The following MON1A variants were observed in gnomAD, a reference collection of about 807,000 sequenced individuals.
MON1A encodes the protein MON1 vesicular trafficking associated A, also known as vacuolar fusion protein MON1 homolog A.
MON1A carries 29 observed loss-of-function variants against 44.6 expected under a neutral mutation model. The ratio of observed to expected loss-of-function variants is 0.65; its 90% CI spans 0.48 to 0.89. The LOEUF is 0.89. MON1A is among the 40% of genes least tolerant of loss of function. The probability of loss-of-function intolerance (pLI) is 0.00; values close to 1 mark genes in which losing one functional copy is unlikely to be tolerated. For synonymous variants in MON1A, 275 were observed against 316.4 expected (o/e 0.87, Z 1.39); for missense variants, 615 against 759.6 (o/e 0.81, Z 2.24).
chr3:49,908,876 C>A lies in MON1A; in HGVS notation c.*138G>T. ...GTGACAGAGCTTGACAAGTGTCTTC[C>A]CCAAAGCACTTTAATGCATTCACCA... On this transcript the variant is annotated 3_prime_UTR_variant, in exon 6 of 6. Coordinates refer to ENST00000296473, the MANE Select transcript of MON1A (RefSeq NM_032355.4). The A allele has an allele frequency of 1.0e-6, 1 of 987,118 alleles. No individual in the cohort carries two copies. Among genetic ancestry groups the A allele is most frequent in the Non-Finnish European group, 1.5e-6 (1 of 680,790 alleles). The allele number at this position is 987,118 out of a possible 1,614,324, so 61.1% of individuals were successfully genotyped here.
At chr3:49,919,635 A>T (rs1278151744) in intron 1 of MON1A, among the ~76,000 whole-genome samples, 1 of 151,970 alleles carries the variant, frequency 6.6e-6, no homozygotes, top group Non-Finnish European at 1.5e-5. Flanking sequence ...GCCCACCACC[A>T]CACCTGGCTA....
intron 1 of MON1A, among the ~76,000 whole-genome samples, chr3:49,922,953 C>T (rs1238244806): frequency 1.3e-5 from 2 of 151,882 alleles, no homozygotes; most frequent in Non-Finnish European, 2.9e-5. Context: ...TGGTGATCCG[C>T]CTGCCTTGGC....
Position 49,913,246 on chromosome 3 carries a change from G to T in MON1A, c.101C>A (p.Pro34Gln), listed in dbSNP as rs1367022683. 1 of 1,614,188 alleles carries T rather than the reference G, an allele frequency of 6.2e-7. No homozygotes were observed. Among genetic ancestry groups the T allele is most frequent in the Admixed American group, 1.7e-5 (1 of 60,014 alleles). Residue 34 changes from proline to glutamine, a missense_variant, in exon 2 of 6, where the codon CCA becomes CAA. Coordinates refer to ENST00000296473, the MANE Select transcript of MON1A (RefSeq NM_032355.4). ...QSMERAESPT[P>Q]GMAQGMEPGA... ...TGGCTCCATTCCCTGGGCCATTCCTGGTGTGGGGCTCTCAGCTCTCTCCAT... is the reference window on the plus strand; with the variant it reads ...TGGCTCCATTCCCTGGGCCATTCCTTGTGTGGGGCTCTCAGCTCTCTCCAT...
intron 1 of MON1A, among the ~76,000 whole-genome samples, chr3:49,914,106 T>C (rs1421212484): frequency 6.6e-6 from 1 of 150,834 alleles, no homozygotes; most frequent in Non-Finnish European, 1.5e-5. Flanking sequence ...TTTTTTTTTT[T>C]TGAGACGGAG....
At position 49,909,238 on chromosome 3, in the gene MON1A, C is replaced by A. The variant is rs201960792; in HGVS notation, c.1527+15G>T. 1.3e-5 allele frequency: 21 copies of A among 1,613,902 alleles called. No individual in the cohort carries two copies. The African/African-American group carries it at 2.5e-4, about 19-fold the overall frequency. ...GGACCTCCATAAAGCCCAGCCCATC[C>A]CAGGGCTGCCTTACCCAGGCCAGGA... On this transcript the variant is annotated intron_variant, in intron 5 of 5. Coordinates refer to ENST00000296473, the MANE Select transcript of MON1A (RefSeq NM_032355.4). The surrounding 1 kb of genome is among the most constrained non-coding windows in gnomAD (Gnocchi z 4.0).
intron 2 of MON1A, chr3:49,912,872 G>C (rs965358307): frequency 1.8e-5 from 7 of 390,562 alleles, no homozygotes; most frequent in African/African-American, 1.2e-4. Flanking sequence ...TATGCATAAA[G>C]AGATAAAATT....
Position 49,911,474 on chromosome 3 carries a change from G to A in MON1A, c.613+52C>T, listed in dbSNP as rs1001367721. The A allele has an allele frequency of 4.5e-6, 7 of 1,557,480 alleles. No individual in the cohort carries two copies. Among genetic ancestry groups the A allele is most frequent in the African/African-American group, 4.1e-5 (3 of 73,662 alleles). ...TCTGCAGGGGTCCAAAACCTGCTATGAATGAACCTTGGCCAGGGGAGCCCG... is the reference window on the plus strand; with the variant it reads ...TCTGCAGGGGTCCAAAACCTGCTATAAATGAACCTTGGCCAGGGGAGCCCG... On this transcript the variant is annotated intron_variant, in intron 3 of 5. Transcript: ENST00000296473. The surrounding 1 kb of genome is among the most constrained non-coding windows in gnomAD (Gnocchi z 5.7).
At position 49,911,818 on chromosome 3, in the gene MON1A, G is replaced by T; in HGVS notation, c.321C>A (p.Asp107Glu). 1 of 1,613,992 alleles carries T rather than the reference G, an allele frequency of 6.2e-7. No homozygotes were observed. The highest frequency in any genetic ancestry group is 1.7e-5 in the Admixed American group (1 of 60,018). ...TTCCTGGCAGCATCTCCTCCTGCAG[G>T]TCCCGGGCCACACCCGTCAGCTGGG... Reference protein sequence around the residue: ...LSTQLTGVARDLQEEMLPGSS... With the variant: ...LSTQLTGVARELQEEMLPGSS... The change falls in exon 3 of 6, where the codon GAC becomes GAA. Residue 107 changes from aspartate to glutamate, a missense_variant. Transcript: ENST00000296473. The surrounding 1 kb of genome is among the most constrained non-coding windows in gnomAD (Gnocchi z 5.7).
intron 1 of MON1A, chr3:49,920,658 T>G (rs2082988143): frequency 6.6e-6 from 1 of 151,344 alleles, no homozygotes; most frequent in African/African-American, 2.4e-5. Flanking sequence ...GCTAACCTGG[T>G]GAAACCCCAT....
In MON1A at chr3:49,909,495, C is replaced by T; in HGVS notation, c.1380-95G>A. ...ACACCTATTCCTATCCAGGAAGACTCTATCTTATGTCCTACCCTCCAGGTG... is the reference window on the plus strand; with the variant it reads ...ACACCTATTCCTATCCAGGAAGACTTTATCTTATGTCCTACCCTCCAGGTG... On this transcript the variant is annotated intron_variant, in intron 4 of 5. Coordinates refer to ENST00000296473, the MANE Select transcript of MON1A (RefSeq NM_032355.4). The surrounding 1 kb of genome is among the most constrained non-coding windows in gnomAD (Gnocchi z 4.0). 1 of 1,512,144 alleles carries T rather than the reference C, an allele frequency of 6.6e-7. No individual in the cohort carries two copies. The highest frequency in any genetic ancestry group is 9.0e-7 in the Non-Finnish European group (1 of 1,112,378). 93.7% of individuals were successfully genotyped at this position (1,512,144 alleles called of 1,614,324 possible).
rs1208052803 is a variant in MON1A, at chr3:49,911,481, C to T, written c.613+45G>A. 1.9e-6 allele frequency: 3 copies of T among 1,564,546 alleles called. No homozygotes were observed. Among genetic ancestry groups the T allele is most frequent in the East Asian group, 2.2e-5 (1 of 44,610 alleles). On this transcript the variant is annotated intron_variant, in intron 3 of 5. Transcript: ENST00000296473. The surrounding 1 kb of genome is among the most constrained non-coding windows in gnomAD (Gnocchi z 5.7). ...GGGTCCAAAACCTGCTATGAATGAA[C>T]CTTGGCCAGGGGAGCCCGCCCCATT...
At position 49,909,025 on chromosome 3, in the gene MON1A, G is replaced by A. The variant is rs2082842721; in HGVS notation, c.1657C>T (p.Leu553Phe). ...EEDRLFILTPLTY is the reference protein window; with the variant it reads ...EEDRLFILTPFTY ...CGCACACATTCCCATCAATAGGTGA[G>A]GGGCGTGAGAATGAAGAGGCGGTCT... is the stretch of plus-strand genomic sequence containing the variant. Residue 553 changes from leucine to phenylalanine, a missense_variant, in exon 6 of 6, where the codon CTC (leucine) becomes TTC (phenylalanine). Transcript: ENST00000296473. The surrounding 1 kb of genome is among the most constrained non-coding windows in gnomAD (Gnocchi z 4.0). 1.2e-6 allele frequency: 2 copies of A among 1,612,950 alleles called. No homozygotes were observed. The highest frequency in any genetic ancestry group is 1.7e-6 in the Non-Finnish European group (2 of 1,179,472).
At chr3:49,913,995 C>G (rs1451858356) in intron 1 of MON1A, among the ~76,000 whole-genome samples, 1 of 152,086 alleles carries the variant, frequency 6.6e-6, no homozygotes, top group Non-Finnish European at 1.5e-5. Flanking sequence ...ACCAACACAG[C>G]TCACTGCAGC....
rs2082863912 is a variant in MON1A at position 49,910,517 on chromosome 3, G to T, written c.981C>A (p.Asn327Lys). 15 of 1,613,832 alleles carry T rather than the reference G, an allele frequency of 9.3e-6. No homozygotes were observed. The highest frequency in any genetic ancestry group is 1.3e-5 in the African/African-American group (1 of 74,948). ...SLVFSILLARNQLVALVRRKD... is the reference protein window; with the variant it reads ...SLVFSILLARKQLVALVRRKD... ...TTCGGCGCACGAGTGCCACGAGCTG[G>T]TTGCGGGCCAGCAGGATGGAGAAGA... is the stretch of plus-strand genomic sequence containing the variant. The change falls in exon 4 of 6, where the codon AAC (asparagine) becomes AAA (lysine). Residue 327 changes from asparagine to lysine, a missense_variant. Asn to Lys is a moderately conservative substitution (Grantham distance 94). Coordinates refer to ENST00000296473, the MANE Select transcript of MON1A (RefSeq NM_032355.4). The surrounding 1 kb of genome is among the most constrained non-coding windows in gnomAD (Gnocchi z 8.0).
chr3:49,923,565 T>C (rs1330283349), intron 1 of MON1A, among the ~76,000 whole-genome samples: 2 of 148,992 alleles, frequency 1.3e-5, no homozygotes, highest in Non-Finnish European at 3.0e-5. Flanking sequence ...GCGATTCTCA[T>C]GCCTCAGCCT....
At chr3:49,917,587 C>T (rs1271107642) in intron 1 of MON1A, among the ~76,000 whole-genome samples, 5 of 151,506 alleles carry the variant, frequency 3.3e-5, no homozygotes, top group Admixed American at 6.6e-5. Context: ...CACGCCTGGC[C>T]GGAATGCCCT....
chr3:49,927,071 G>A (rs1257905581), intron 1 of MON1A, among the ~76,000 whole-genome samples: 1 of 152,134 alleles, frequency 6.6e-6, no homozygotes, highest in Non-Finnish European at 1.5e-5. Flanking sequence ...GAGCCACCGC[G>A]CCCAGCTGAA....
intron 1 of MON1A, among the ~76,000 whole-genome samples, chr3:49,917,517 T>C (rs1322327418): frequency 1.3e-5 from 2 of 150,928 alleles, no homozygotes; most frequent in Admixed American, 1.3e-4. Flanking sequence ...CTCGATCTCC[T>C]GACCTGGTGA....
At chr3:49,928,094 A>C (rs2083065185) in intron 1 of MON1A, among the ~76,000 whole-genome samples, 1 of 152,174 alleles carries the variant, frequency 6.6e-6, no homozygotes, top group African/African-American at 2.4e-5. Context: ...AGTGGTACCC[A>C]GCACGGTACC....
Sources: allele counts gnomAD v4.1 joint callset (sites outside exome capture counted in the v4.1 genomes callset), GRCh38; gene constraint gnomAD v4.1.1; non-coding constraint Gnocchi (gnomAD v3.1); transcripts MANE v1.5; gene names NCBI Gene and HGNC (gene_info 2026-07-23, HGNC 2026-07-21).